Variants in TECPR2 observed in about 807,000 individuals in gnomAD.
TECPR2 encodes tectonin beta-propeller repeat containing 2.
In TECPR2, 65 loss-of-function variants were observed where a neutral mutation model predicts 138.1. That is an observed-to-expected ratio of 0.47 (90% CI 0.39 to 0.58). The LOEUF is 0.58. Ranked by LOEUF, TECPR2 falls within the 20% of genes least tolerant of loss-of-function variation. The pLI, the probability that TECPR2 is intolerant of heterozygous loss-of-function variation, is 0.00. For missense variants in TECPR2, 1,553 were observed against 1,824.5 expected (o/e 0.85, Z 2.71); for synonymous variants, 746 against 749.8 (o/e 0.99, Z 0.08).
At chr14:102,440,648 C>T (rs370746189) in intron 11 of TECPR2, 39 bp downstream of exon 11, 83 of 1,597,026 alleles carry the variant, frequency 5.2e-5, no homozygotes, top group East Asian at 1.1e-4. Context: ...CCAGCTCTGC[C>T]GTCACTGCCT....
rs1889631346 is a variant in TECPR2 at position 102,435,206 on chromosome 14, G to C, written c.2389G>C (p.Asp797His). ...GAEDAGLLKP[D>H]QFAESWMGYS... ...AGAGGACGCCGGGCTGCTCAAGCCA[G>C]ATCAGGTATGTGGGTTCGGGTGGTG... The change falls in exon 9 of 20, where the codon GAT (aspartate) becomes CAT (histidine). Residue 797 changes from aspartate to histidine, a missense_variant. Transcript: ENST00000359520. 1 of 1,603,688 alleles carries C rather than the reference G, an allele frequency of 6.2e-7. No individual in the cohort carries two copies.
chr14:102,488,225 A>T (rs1358566403), intron 17 of TECPR2, among the ~76,000 whole-genome samples: 2 of 151,236 alleles, frequency 1.3e-5, no homozygotes, highest in Non-Finnish European at 2.9e-5. Flanking sequence ...TTTTTTTAGT[A>T]GAGATTAGGT....
intron 19 of TECPR2, 109 bp from the exon 20 acceptor site, chr14:102,497,994 C>G: frequency 2.7e-6 from 4 of 1,459,048 alleles, no homozygotes; most frequent in Non-Finnish European, 3.7e-6. Context: ...CAGTGTCCCC[C>G]ACCTAGAATG....
intron 2 of TECPR2, among the ~76,000 whole-genome samples, chr14:102,380,544 T>A (rs1328357043): frequency 6.6e-6 from 1 of 152,208 alleles, no homozygotes; most frequent in African/African-American, 2.4e-5. Flanking sequence ...CATGATTCAG[T>A]TATCTCTACC....
At chr14:102,465,673 C>A (rs1890538001) in intron 17 of TECPR2, 3 of 983,904 alleles carry the variant, frequency 3.0e-6, no homozygotes, top group Non-Finnish European at 3.6e-6. Flanking sequence ...TACTTTGAAT[C>A]TTGTCATGGA....
At chr14:102,466,087 G>A (rs1259096739) in intron 17 of TECPR2, among the ~76,000 whole-genome samples, 2 of 152,172 alleles carry the variant, frequency 1.3e-5, no homozygotes, top group Non-Finnish European at 2.9e-5. Flanking sequence ...TCAGGAAAGA[G>A]GTAAAGAGTA....
At chr14:102,485,737 C>A (rs1891011604) in intron 17 of TECPR2, among the ~76,000 whole-genome samples, 1 of 152,170 alleles carries the variant, frequency 6.6e-6, no homozygotes, top group African/African-American at 2.4e-5. Flanking sequence ...AGGAGCAGAG[C>A]CCAGAGATCA....
intron 17 of TECPR2, among the ~76,000 whole-genome samples, chr14:102,481,340 G>C (rs1890890123): frequency 6.6e-6 from 1 of 152,136 alleles, no homozygotes; most frequent in Admixed American, 6.5e-5. Flanking sequence ...GTAGAGATGG[G>C]GTTTCACTGT....
chr14:102,372,521 C>A (rs1887532193), intron 1 of TECPR2, among the ~76,000 whole-genome samples: 1 of 152,206 alleles, frequency 6.6e-6, no homozygotes, highest in Admixed American at 6.5e-5. Context: ...CTGACTCAGT[C>A]TCCTGAAGTG....
At position 102,363,062 on chromosome 14, in the gene TECPR2, T is replaced by C. The variant is rs1887221873; in HGVS notation, c.-127T>C. The C allele has an allele frequency of 3.8e-6, 2 of 529,814 alleles. No individual in the cohort carries two copies. The highest frequency in any genetic ancestry group is 2.0e-5 in the African/African-American group (1 of 49,528). 32.8% of individuals were successfully genotyped at this position (529,814 alleles called of 1,614,324 possible). A position where few individuals can be genotyped will look rare whatever the true frequency, so the allele number is the denominator to read the frequency against. The stretch of plus-strand genomic sequence containing the variant: ...GGCAGCCCCCGCGGCCCGGAGTCCA[T>C]CCCGCCTCCTCCGGCCCGGCGGGGC... On this transcript the variant is annotated 5_prime_UTR_variant, in exon 1 of 20. Coordinates refer to ENST00000359520, the MANE Select transcript of TECPR2 (RefSeq NM_014844.5).
rs979426064 is a variant in TECPR2, at chr14:102,498,736, G to A, written c.*479G>A. On this transcript the variant is annotated 3_prime_UTR_variant, in exon 20 of 20. Coordinates refer to ENST00000359520, the MANE Select transcript of TECPR2 (RefSeq NM_014844.5). ...GTGATGGCTTTGTCCCATCATAGGG[G>A]GGTGTCCCCCCAGAGACAAAGCTGC... The A allele has an allele frequency of 8.6e-5, 39 of 453,314 alleles. 1 individual carries two copies. Among genetic ancestry groups the A allele is most frequent in the African/African-American group, 7.4e-4 (38 of 51,272 alleles). The allele number at this position is 453,314 out of a possible 1,614,324, so 28.1% of individuals were successfully genotyped here. A position where few individuals can be genotyped will look rare whatever the true frequency, so the allele number is the denominator to read the frequency against.
Position 102,453,018 on chromosome 14 carries a change from C to A in TECPR2, c.3640+391C>A, listed in dbSNP as rs180679824. ...GTTCCCTATGACAGGATCAGTGCCA[C>A]GTTTGTCTATCTCCTCAGGACAGTA... On this transcript the variant is annotated intron_variant, in intron 16 of 19. Transcript: ENST00000359520. 3.9e-4 allele frequency among the ~76,000 whole-genome samples: 60 copies of A among 152,288 alleles called. 1 individual carries two copies. Among genetic ancestry groups the A allele is most frequent in the Admixed American group, 2.3e-3 (35 of 15,304 alleles).
intron 2 of TECPR2, among the ~76,000 whole-genome samples, chr14:102,403,900 G>C (rs1170787089): frequency 1.3e-5 from 2 of 152,078 alleles, no homozygotes; most frequent in Admixed American, 1.3e-4. Context: ...ACTTAACATT[G>C]TGTGTTTGGT....
At chr14:102,394,897 G>C (rs904685557) in intron 2 of TECPR2, among the ~76,000 whole-genome samples, 1 of 151,922 alleles carries the variant, frequency 6.6e-6, no homozygotes, top group African/African-American at 2.4e-5. Context: ...ACTTACCTTA[G>C]CCTGAGCTAT....
rs377353561 is a variant in TECPR2 at position 102,462,365 on chromosome 14, G to A, written c.3641-2776G>A. On this transcript the variant is annotated intron_variant, in intron 16 of 19. Coordinates refer to ENST00000359520, the MANE Select transcript of TECPR2 (RefSeq NM_014844.5). ...CCAGGGAATTCTGTTTAAACTCCCC[G>A]GTAAAACATTCTGTACAAGATCAAG... Among the ~76,000 whole-genome samples the A allele has an allele frequency of 3.9e-5, 6 of 152,078 alleles. No individual in the cohort carries two copies. The East Asian group carries it at 5.8e-4, about 15-fold the overall frequency.
intron 1 of TECPR2, among the ~76,000 whole-genome samples, chr14:102,375,181 C>G (rs1422512517): frequency 6.6e-6 from 1 of 151,818 alleles, no homozygotes; most frequent in African/African-American, 2.4e-5. Context: ...CTCATCTCTA[C>G]AAAATAATTT....
At chr14:102,407,837 A>G (rs1888705648) in intron 3 of TECPR2, among the ~76,000 whole-genome samples, 1 of 152,124 alleles carries the variant, frequency 6.6e-6, no homozygotes. Flanking sequence ...TCTACTAAAA[A>G]ATACAAAAAA....
chr14:102,486,590 C>T (rs1891031367), intron 17 of TECPR2, among the ~76,000 whole-genome samples: 1 of 152,218 alleles, frequency 6.6e-6, no homozygotes, highest in African/African-American at 2.4e-5. Context: ...CTCTGCAAGG[C>T]CAGGGCCCCA....
intron 2 of TECPR2, among the ~76,000 whole-genome samples, chr14:102,406,324 A>T (rs1048367194): frequency 6.6e-6 from 1 of 152,162 alleles, no homozygotes; most frequent in Non-Finnish European, 1.5e-5. Context: ...CAAGGCGGGC[A>T]GATCACGAGG....
Sources: allele counts gnomAD v4.1 joint callset (sites outside exome capture counted in the v4.1 genomes callset), GRCh38; gene constraint gnomAD v4.1.1; transcripts MANE v1.5; gene names NCBI Gene and HGNC (gene_info 2026-07-23, HGNC 2026-07-21).